The following AIG1 variants were observed in gnomAD, a reference collection of about 807,000 sequenced individuals.
The protein encoded by AIG1 is androgen-induced gene 1 protein.
A neutral mutation model predicts 31.4 loss-of-function variants in AIG1; 23 were observed. The observed-to-expected ratio is 0.73, with a 90% CI of 0.53 to 1.04. The LOEUF (loss-of-function observed/expected upper bound fraction) is 1.04, where lower values mean the gene tolerates loss of function less well. Among genes scored for constraint, AIG1 ranks in the 50% least tolerant of loss-of-function variants. AIG1 has a pLI of 0.00. For missense variants in AIG1, 274 were observed against 295.0 expected (o/e 0.93, Z 0.52); for synonymous variants, 100 against 110.5 (o/e 0.90, Z 0.60).
At chr6:143,158,116 T>C (rs927829152) in intron 2 of AIG1, among the ~76,000 whole-genome samples, 1 of 152,172 alleles carries the variant, frequency 6.6e-6, no homozygotes, top group African/African-American at 2.4e-5. Flanking sequence ...ATCACAGCTC[T>C]TTTGGATGGT....
intron 3 of AIG1, among the ~76,000 whole-genome samples, chr6:143,206,477 A>C (rs1288620754): frequency 6.6e-6 from 1 of 152,180 alleles, no homozygotes; most frequent in East Asian, 1.9e-4. Flanking sequence ...CAGAAAGACA[A>C]ATCCAACTCC....
chr6:143,106,829 A>C (rs1437729801), intron 1 of AIG1, among the ~76,000 whole-genome samples: 2 of 152,176 alleles, frequency 1.3e-5, no homozygotes, highest in African/African-American at 4.8e-5. Flanking sequence ...AGATAAAGGT[A>C]CTTACAGATT....
At chr6:143,127,947 A>G (rs1782841715) in intron 1 of AIG1, among the ~76,000 whole-genome samples, 1 of 152,126 alleles carries the variant, frequency 6.6e-6, no homozygotes, top group South Asian at 2.1e-4. Flanking sequence ...CTTGGCCTCC[A>G]AAAATGCTGG....
intron 4 of AIG1, among the ~76,000 whole-genome samples, chr6:143,295,432 G>A (rs1798358178): frequency 6.6e-6 from 1 of 152,062 alleles, no homozygotes; most frequent in African/African-American, 2.4e-5. Context: ...GTTTTAGGGG[G>A]CCCTGCATTA....
intron 3 of AIG1, among the ~76,000 whole-genome samples, chr6:143,262,989 T>C (rs1583661546): frequency 2.0e-5 from 3 of 152,326 alleles, no homozygotes; most frequent in Non-Finnish European, 1.5e-5. Context: ...GATGAGCAGA[T>C]TGACAGAAGA....
intron 3 of AIG1, among the ~76,000 whole-genome samples, chr6:143,200,195 A>G (rs1214725771): frequency 6.6e-6 from 1 of 152,218 alleles, no homozygotes; most frequent in African/African-American, 2.4e-5. Context: ...GAGAAAGGTT[A>G]GCGTGGATAG....
intron 2 of AIG1, among the ~76,000 whole-genome samples, chr6:143,148,466 G>T (rs765468220): frequency 3.3e-5 from 5 of 151,984 alleles, no homozygotes; most frequent in Non-Finnish European, 7.4e-5. Context: ...CTGAGATGGT[G>T]CCACTGCACT....
Position 143,136,846 on chromosome 6 carries a change from T to G in AIG1, c.153T>G (p.Ala51=). The G allele has an allele frequency of 7.0e-7, 1 of 1,436,728 alleles. No individual in the cohort carries two copies. Among genetic ancestry groups the G allele is most frequent in the Non-Finnish European group, 9.3e-7 (1 of 1,077,038 alleles). The allele number at this position is 1,436,728 out of a possible 1,614,324, so 89.0% of individuals were successfully genotyped here. The change falls in exon 2 of 6, where the codon GCT becomes GCG. Residue 51 remains alanine, a synonymous_variant. Transcript: ENST00000357847. ...TTGTCCCCCTACAGGTTATCCAGGC[T>G]GTCTTTTTTGGCATCTGTGTGCTGA... ...FLTFIDLVIQ[A]VFFGICVLTD...
rs1258167021 is a variant in AIG1, at chr6:143,299,789, G to A, written c.515+15564G>A. On this transcript the variant is annotated intron_variant, in intron 4 of 5. Transcript: ENST00000357847. This position sits in a 1 kb window ranked among gnomAD's most constrained non-coding sequence, Gnocchi z 4.1. ...TTCCACGAACTCACCTCTGGGATTT[G>A]CAGTGTTCTTCTCTTTGCCTAGATA... Among the ~76,000 whole-genome samples the A allele has an allele frequency of 6.6e-6, 1 of 152,166 alleles. No individual in the cohort carries two copies. Among genetic ancestry groups the A allele is most frequent in the Non-Finnish European group, 1.5e-5 (1 of 68,038 alleles).
At chr6:143,202,591 G>C (rs1156755782) in intron 3 of AIG1, among the ~76,000 whole-genome samples, 1 of 152,204 alleles carries the variant, frequency 6.6e-6, no homozygotes, top group African/African-American at 2.4e-5. Context: ...TGTCAGAGAA[G>C]CTTCTTGTCC....
intron 3 of AIG1, among the ~76,000 whole-genome samples, chr6:143,271,629 CTG>C (rs1233502922): frequency 3.3e-5 from 5 of 152,244 alleles, no homozygotes; most frequent in African/African-American, 7.2e-5. Flanking sequence ...TGCTTCCTCA[CTG>C]TGATACATGG....
At chr6:143,237,578 C>T (rs1286539668) in intron 3 of AIG1, among the ~76,000 whole-genome samples, 1 of 152,050 alleles carries the variant, frequency 6.6e-6, no homozygotes, top group African/African-American at 2.4e-5. Flanking sequence ...CATGTCCTGG[C>T]CAAATCATTG....
chr6:143,132,402 C>A lies in AIG1; in HGVS notation c.142-4433C>A, dbSNP rs565606833. On this transcript the variant is annotated intron_variant, in intron 1 of 5. Transcript: ENST00000357847. ...TTATAAGACTTAAAAGATATTGTTT[C>A]ATTGTTTCTTGGCTTGGATCGTTTT... is the stretch of plus-strand genomic sequence containing the variant. Among the ~76,000 whole-genome samples, 27 of 152,168 alleles carry A rather than the reference C, an allele frequency of 1.8e-4. No individual in the cohort carries two copies. The South Asian group carries it at 4.6e-3, about 26-fold the overall frequency.
chr6:143,180,973 T>G (rs578030796), intron 3 of AIG1, among the ~76,000 whole-genome samples: 1 of 152,208 alleles, frequency 6.6e-6, no homozygotes, highest in Non-Finnish European at 1.5e-5. Context: ...GCCACTTGGA[T>G]GATCATTGGT....
At chr6:143,102,159 A>G (rs1437718025) in intron 1 of AIG1, among the ~76,000 whole-genome samples, 1 of 152,168 alleles carries the variant, frequency 6.6e-6, no homozygotes, top group South Asian at 2.1e-4. Flanking sequence ...GCTTTATGAC[A>G]TATTATTCAC....
At chr6:143,214,899 A>G (rs1791900269) in intron 3 of AIG1, among the ~76,000 whole-genome samples, 1 of 152,148 alleles carries the variant, frequency 6.6e-6, no homozygotes, top group South Asian at 2.1e-4. Flanking sequence ...GTTCTTCAGC[A>G]TGCACCTCAA....
intron 1 of AIG1, among the ~76,000 whole-genome samples, chr6:143,125,767 A>G (rs1358172188): frequency 6.6e-6 from 1 of 152,218 alleles, no homozygotes; most frequent in Non-Finnish European, 1.5e-5. Context: ...AAAAGCAATT[A>G]TGTGATATTG....
intron 1 of AIG1, among the ~76,000 whole-genome samples, chr6:143,118,182 G>A (rs1781899885): frequency 6.6e-6 from 1 of 152,116 alleles, no homozygotes; most frequent in African/African-American, 2.4e-5. Context: ...CATGCCCGGT[G>A]AGCACATCAT....
intron 3 of AIG1, among the ~76,000 whole-genome samples, chr6:143,220,366 A>G: frequency 6.6e-6 from 1 of 152,180 alleles, no homozygotes; most frequent in East Asian, 1.9e-4. Flanking sequence ...TAGAGAAGAG[A>G]GATCTTATCT....
Sources: gnomAD v4.1 joint callset for allele counts (sites outside exome capture counted in the v4.1 genomes callset) on GRCh38, gnomAD v4.1.1 for gene constraint, Gnocchi (gnomAD v3.1) non-coding constraint, MANE v1.5 for transcripts, NCBI Gene and HGNC (gene_info 2026-07-23, HGNC 2026-07-21) for gene names.